Variants in PTPN5 observed in about 807,000 individuals in gnomAD.
PTPN5 encodes the protein protein tyrosine phosphatase non-receptor type 5, also known as tyrosine-protein phosphatase non-receptor type 5.
PTPN5 carries 29 observed loss-of-function variants against 73.9 expected under a neutral mutation model. That is an observed-to-expected ratio of 0.39 (90% CI 0.29 to 0.54). The LOEUF is 0.54. Among genes scored for constraint, PTPN5 ranks in the 20% least tolerant of loss-of-function variants. The pLI is 0.65. For missense variants in PTPN5, 652 were observed against 751.4 expected (o/e 0.87, Z 1.55); for synonymous variants, 267 against 304.7 (o/e 0.88, Z 1.29).
chr11:18,731,732 C>G lies in PTPN5; in HGVS notation c.1329+860G>C, dbSNP rs75094061. ...GGGCTGAGATGCTCTCGACACCCTA[C>G]CTGGCCCCTATTCAGTGGGAGAGGG... On this transcript the variant is annotated intron_variant, in intron 12 of 14. Coordinates refer to ENST00000358540, the MANE Select transcript of PTPN5 (RefSeq NM_006906.2). Among the ~76,000 whole-genome samples the G allele has an allele frequency of 3.8e-3, 582 of 152,292 alleles. 5 individuals are homozygous for G. Among genetic ancestry groups the G allele is most frequent in the African/African-American group, 0.013 (558 of 41,554 alleles).
chr11:18,766,670 C>T (rs1245166733), intron 2 of PTPN5, among the ~76,000 whole-genome samples: 5 of 152,140 alleles, frequency 3.3e-5, no homozygotes, highest in Non-Finnish European at 7.3e-5. Context: ...ATCAGCTAGA[C>T]CCCATGAAGC....
chr11:18,732,772 G>T, intron 11 of PTPN5, 70 bp from the exon 12 acceptor site: 2 of 1,308,072 alleles, frequency 1.5e-6, no homozygotes, highest in Non-Finnish European at 1.1e-6. Context: ...CTCTCTTCAG[G>T]GCCAGCGGAG....
Position 18,742,180 on chromosome 11 carries a change from T to C in PTPN5, c.725+82A>G. On this transcript the variant is annotated intron_variant, in intron 7 of 14. Transcript: ENST00000358540. The surrounding 1 kb of genome is among the most constrained non-coding windows in gnomAD (Gnocchi z 4.1). ...CCAGCTCTGCCCTGGGCACCAGGAG[T>C]CAGAGTCAGGCATCCACTCTTCTGA... 1.3e-6 allele frequency: 2 copies of C among 1,567,714 alleles called. No individual in the cohort carries two copies. Among genetic ancestry groups the C allele is most frequent in the South Asian group, 1.2e-5 (1 of 84,354 alleles).
In PTPN5 at chr11:18,729,944, C is replaced by T. The variant is rs1208945171; in HGVS notation, c.1330-126G>A. On this transcript the variant is annotated intron_variant, in intron 12 of 14. Transcript: ENST00000358540. The surrounding 1 kb of genome is among the most constrained non-coding windows in gnomAD (Gnocchi z 5.2). ...AAGAACACTGAGAGTGGGACCCCTT[C>T]ACCCTTCCATCTAGGCCACATTGCC... The T allele has an allele frequency of 7.8e-7, 1 of 1,286,724 alleles. No individual in the cohort carries two copies. The highest frequency in any genetic ancestry group is 1.1e-6 in the Non-Finnish European group (1 of 903,966). 79.7% of individuals were successfully genotyped at this position (1,286,724 alleles called of 1,614,324 possible).
In PTPN5 at chr11:18,733,342, C is replaced by T; in HGVS notation, c.1111G>A (p.Ala371Thr). 3 of 1,614,008 alleles carry T rather than the reference C, an allele frequency of 1.9e-6. No homozygotes were observed. The highest frequency in any genetic ancestry group is 2.5e-6 in the Non-Finnish European group (3 of 1,179,932). Residue 371 changes from alanine (A) to threonine (T), a missense_variant, in exon 11 of 15, where the codon GCC becomes ACC. Ala to Thr is a moderately conservative substitution (Grantham distance 58). Around this residue, in one of 3 missense-constraint regions of PTPN5, gnomAD observed 529 missense variants for 573.9 expected, o/e 0.92. Transcript: ENST00000358540. The surrounding 1 kb of genome is among the most constrained non-coding windows in gnomAD (Gnocchi z 4.3). ...GYGGEEKVYI[A>T]TQGPIVSTVA... ...GTGCTGACGATGGGTCCCTGAGTGGCGATGTACACCTTCTCCTCCCCACCA... is the reference window on the plus strand; with the variant it reads ...GTGCTGACGATGGGTCCCTGAGTGGTGATGTACACCTTCTCCTCCCCACCA...
intron 1 of PTPN5, among the ~76,000 whole-genome samples, chr11:18,782,940 G>A (rs1161571498): frequency 1.3e-5 from 2 of 152,242 alleles, no homozygotes; most frequent in Non-Finnish European, 2.9e-5. Context: ...GGGAGCCACA[G>A]AAGGATGGAA....
At chr11:18,779,958 G>C (rs185068394) in intron 1 of PTPN5, among the ~76,000 whole-genome samples, 1 of 152,250 alleles carries the variant, frequency 6.6e-6, no homozygotes, top group Admixed American at 6.5e-5. Context: ...CCTGGGAAGC[G>C]AGGGCTGTAC....
At position 18,756,689 on chromosome 11, in the gene PTPN5, G is replaced by A. The variant is rs548670357; in HGVS notation, c.97+9118C>T. 4.6e-5 allele frequency among the ~76,000 whole-genome samples: 7 copies of A among 151,988 alleles called. No homozygotes were observed. The East Asian group carries it at 1.2e-3, about 25-fold the overall frequency. ...TGTAATCCCAGCACTTTGGGAGGCC[G>A]AGGCGGGCGGATCATGAGGTCAGGA... On this transcript the variant is annotated intron_variant, in intron 3 of 14. Transcript: ENST00000358540.
intron 1 of PTPN5, among the ~76,000 whole-genome samples, chr11:18,774,061 C>T (rs1440558804): frequency 6.6e-6 from 1 of 152,242 alleles, no homozygotes; most frequent in Non-Finnish European, 1.5e-5. Flanking sequence ...CTCTAGGAAG[C>T]CTTCCCTGGG....
At position 18,742,322 on chromosome 11, in the gene PTPN5, T is replaced by G. The variant is rs200887272; in HGVS notation, c.665A>C (p.Asp222Ala). ...PETPVFDCVMDIKPEADPTSL... is the reference protein window; with the variant it reads ...PETPVFDCVMAIKPEADPTSL... Reference sequence around the variant, plus strand: ...GGTGGGGTCAGCCTCAGGCTTGATGTCCATCACACAATCAAACACAGGAGT... The same window carrying G: ...GGTGGGGTCAGCCTCAGGCTTGATGGCCATCACACAATCAAACACAGGAGT... Residue 222 changes from aspartate to alanine, a missense_variant, in exon 7 of 15, where the codon GAC (aspartate) becomes GCC (alanine). Asp to Ala is a moderately radical substitution (Grantham distance 126). Transcript: ENST00000358540. This position sits in a 1 kb window ranked among gnomAD's most constrained non-coding sequence, Gnocchi z 4.1. 99 of 1,613,950 alleles carry G rather than the reference T, an allele frequency of 6.1e-5. No individual in the cohort carries two copies. The highest frequency in any genetic ancestry group is 7.5e-5 in the Non-Finnish European group (88 of 1,180,014).
chr11:18,742,124 A>G lies in PTPN5; in HGVS notation c.725+138T>C. 8.5e-7 allele frequency: 1 copy of G among 1,172,514 alleles called. No individual in the cohort carries two copies. The highest frequency in any genetic ancestry group is 1.2e-6 in the Non-Finnish European group (1 of 826,556). The allele number at this position is 1,172,514 out of a possible 1,614,324, so 72.6% of individuals were successfully genotyped here. A position where few individuals can be genotyped will look rare whatever the true frequency, so the allele number is the denominator to read the frequency against. Reference sequence around the variant, plus strand: ...TTTGATCTCTATGAATGACCTGGATAGCACATGTCTACACTGGCTAAGCTA... The same window carrying G: ...TTTGATCTCTATGAATGACCTGGATGGCACATGTCTACACTGGCTAAGCTA... On this transcript the variant is annotated intron_variant, in intron 7 of 14. Coordinates refer to ENST00000358540, the MANE Select transcript of PTPN5 (RefSeq NM_006906.2). This position sits in a 1 kb window ranked among gnomAD's most constrained non-coding sequence, Gnocchi z 4.1.
intron 2 of PTPN5, among the ~76,000 whole-genome samples, chr11:18,769,936 G>T (rs1034269917): frequency 6.6e-6 from 1 of 152,076 alleles, no homozygotes; most frequent in Non-Finnish European, 1.5e-5. Context: ...CTGGGGTGGC[G>T]GGGGAAGCCC....
intron 11 of PTPN5, 24 bp from the exon 12 acceptor site, chr11:18,732,726 C>T (rs756083931): frequency 1.3e-6 from 2 of 1,585,452 alleles, no homozygotes; most frequent in East Asian, 2.2e-5. Flanking sequence ...GATCAGGCTG[C>T]CATACAATCC....
intron 3 of PTPN5, among the ~76,000 whole-genome samples, chr11:18,758,121 A>C (rs1850233919): frequency 6.6e-6 from 1 of 152,230 alleles, no homozygotes; most frequent in Non-Finnish European, 1.5e-5. Context: ...GGAATGTGAA[A>C]GCTTATAAAG....
intron 3 of PTPN5, among the ~76,000 whole-genome samples, chr11:18,745,364 G>T (rs1280795234): frequency 6.6e-6 from 1 of 152,204 alleles, no homozygotes; most frequent in Non-Finnish European, 1.5e-5. Context: ...CCATGGCCTG[G>T]ATCAAGACTG....
upstream of PTPN5, chr11:18,792,238 G>C (rs760630510): frequency 1.3e-5 from 2 of 152,524 alleles, no homozygotes; most frequent in Non-Finnish European, 2.9e-5. Flanking sequence ...CGAGACAAAG[G>C]GGGCAGAGTT....
intron 1 of PTPN5, among the ~76,000 whole-genome samples, chr11:18,784,732 A>C (rs1284676244): frequency 1.3e-5 from 2 of 152,140 alleles, no homozygotes; most frequent in East Asian, 3.9e-4. Flanking sequence ...CTTCCCTCTG[A>C]AATCTGACAG....
rs1392753058 is a variant in PTPN5, at chr11:18,729,008, A to G, written c.1624T>C (p.Cys542Arg). ...RQDRGGMIQT[C>R]EQYQFVHHVM... ...TGGTGCACAAACTGGTACTGCTCGC[A>G]TGTCTGGATCATGCCGCCCCTGCCC... Residue 542 changes from cysteine to arginine, a missense_variant, in exon 15 of 15, where the codon TGC (cysteine) becomes CGC (arginine). Around this residue, in one of 3 missense-constraint regions of PTPN5, gnomAD observed 102 missense variants for 160.5 expected, o/e 0.64. Transcript: ENST00000358540. The surrounding 1 kb of genome is among the most constrained non-coding windows in gnomAD (Gnocchi z 5.2). 3 of 1,613,862 alleles carry G rather than the reference A, an allele frequency of 1.9e-6. No homozygotes were observed. The highest frequency in any genetic ancestry group is 1.7e-6 in the Non-Finnish European group (2 of 1,179,922).
At chr11:18,774,973 T>C (rs1240644668) in intron 1 of PTPN5, among the ~76,000 whole-genome samples, 1 of 152,192 alleles carries the variant, frequency 6.6e-6, no homozygotes, top group East Asian at 1.9e-4. Context: ...AGGATAACAA[T>C]GACAGTATCT....
Sources: allele counts gnomAD v4.1 joint callset (sites outside exome capture counted in the v4.1 genomes callset), GRCh38; gene constraint gnomAD v4.1.1; regional missense constraint gnomAD v4.1.1; non-coding constraint Gnocchi (gnomAD v3.1); transcripts MANE v1.5; gene names NCBI Gene and HGNC (gene_info 2026-07-23, HGNC 2026-07-21).